KCNK1: variants seen among roughly 807,000 people sequenced by gnomAD.
KCNK1 encodes potassium two pore domain channel subfamily K member 1.
KCNK1 carries 10 observed loss-of-function variants against 22.2 expected under a neutral mutation model. The observed-to-expected ratio is 0.45, with a 90% CI of 0.28 to 0.76. KCNK1 has a LOEUF of 0.76. KCNK1 is among the 30% of genes least tolerant of loss of function. The pLI, the probability that KCNK1 is intolerant of heterozygous loss-of-function variation, is 0.14. For missense variants in KCNK1, 378 were observed against 421.0 expected, an observed-to-expected ratio of 0.90 and a Z score of 0.89; for synonymous variants, 200 against 186.4, an observed-to-expected ratio of 1.07 and a Z score of -0.60.
At chr1:233,631,810 G>T (rs701227) in intron 1 of KCNK1, among the ~76,000 whole-genome samples, 56,642 of 151,876 alleles carry the variant, frequency 0.37, 13,703 homozygotes, top group African/African-American at 0.7. Flanking sequence ...ATAGATTCTG[G>T]TTTTTTTTAA....
chr1:233,671,413 A>G lies in KCNK1; in HGVS notation c.894A>G (p.Gln298=), dbSNP rs1400712883. Residue 298 remains glutamine (Q), a synonymous_variant, in exon 3 of 3, where the codon CAA becomes CAG. Transcript: ENST00000366621. ...AGGTGCACATCATAGAGCATGACCA[A>G]CTGTCCTTCTCCTCGATCACAGACC... is the stretch of plus-strand genomic sequence containing the variant. ...EDQVHIIEHD[Q]LSFSSITDQA... 3.7e-6 allele frequency: 6 copies of G among 1,614,062 alleles called. No individual in the cohort carries two copies. The highest frequency in any genetic ancestry group is 3.3e-4 in the Middle Eastern group (2 of 6,084).
intron 1 of KCNK1, among the ~76,000 whole-genome samples, chr1:233,665,166 GA>G (rs1658467837): frequency 6.6e-6 from 1 of 152,074 alleles, no homozygotes; most frequent in African/African-American, 2.4e-5. Flanking sequence ...TGACATCTTT[GA>G]AAATACAGAA....
intron 1 of KCNK1, chr1:233,637,457 G>A (rs1235272025): frequency 1.3e-5 from 2 of 152,044 alleles, no homozygotes; most frequent in African/African-American, 4.8e-5. Context: ...AGAAACAAAG[G>A]ACTTTTAAAA....
intron 1 of KCNK1, among the ~76,000 whole-genome samples, chr1:233,620,285 A>T (rs1283792075): frequency 6.6e-6 from 1 of 152,210 alleles, no homozygotes; most frequent in East Asian, 1.9e-4. Flanking sequence ...AAGTTTGCTG[A>T]CATCTGCTTC....
chr1:233,643,809 C>T (rs1658043540), intron 1 of KCNK1, among the ~76,000 whole-genome samples: 1 of 152,190 alleles, frequency 6.6e-6, no homozygotes, highest in Non-Finnish European at 1.5e-5. Context: ...ACCCCAAACC[C>T]AGCCTCCTGG....
intron 2 of KCNK1, among the ~76,000 whole-genome samples, chr1:233,670,796 T>A (rs1005979368): frequency 6.6e-6 from 1 of 152,172 alleles, no homozygotes; most frequent in East Asian, 1.9e-4. Context: ...AAACTCTTAT[T>A]CTATAATAGA....
intron 1 of KCNK1, chr1:233,624,094 C>T (rs1310037015): frequency 1.3e-5 from 2 of 154,042 alleles, no homozygotes; most frequent in Non-Finnish European, 2.9e-5. Context: ...GCTCTGTGAC[C>T]TGAGTTAAGC....
At chr1:233,616,280 A>G (rs1202641336) in intron 1 of KCNK1, among the ~76,000 whole-genome samples, 1 of 152,220 alleles carries the variant, frequency 6.6e-6, no homozygotes, top group African/African-American at 2.4e-5. Flanking sequence ...AGGATAGAAC[A>G]AGAATAAGAA....
chr1:233,667,717 G>A (rs928122719), intron 2 of KCNK1, among the ~76,000 whole-genome samples: 4 of 112,940 alleles, frequency 3.5e-5, no homozygotes, highest in African/African-American at 1.4e-4. Context: ...GCGACAGAGC[G>A]AGACTCCGTC....
intron 1 of KCNK1, among the ~76,000 whole-genome samples, chr1:233,663,265 C>T (rs946962002): frequency 5.9e-5 from 9 of 152,036 alleles, no homozygotes; most frequent in African/African-American, 1.9e-4. Context: ...TAAGGATCTG[C>T]GTGGTGGTGA....
rs1300351414 is a variant in KCNK1 at position 233,622,192 on chromosome 1, C to CA, written c.355+7667dup. On this transcript the variant is annotated intron_variant, in intron 1 of 2. Transcript: ENST00000366621. ...GTCTTTGGAGCATGTGAATTGCCGA[C>CA]ACTCAATTGTTTTGACCCATAAAAA... Among the ~76,000 whole-genome samples, 3 of 152,186 alleles carry CA rather than the reference C, an allele frequency of 2.0e-5. No homozygotes were observed. The East Asian group carries it at 5.8e-4, about 29-fold the overall frequency.
chr1:233,670,276 G>A (rs535249729), intron 2 of KCNK1, among the ~76,000 whole-genome samples: 3 of 152,282 alleles, frequency 2.0e-5, no homozygotes, highest in Non-Finnish European at 4.4e-5. Flanking sequence ...TAGTCCACAT[G>A]TCCAAAAACA....
At chr1:233,656,314 T>C (rs1019384065) in intron 1 of KCNK1, among the ~76,000 whole-genome samples, 1 of 152,188 alleles carries the variant, frequency 6.6e-6, no homozygotes, top group Non-Finnish European at 1.5e-5. Flanking sequence ...GAAGTTTCAT[T>C]GGCACCAGTA....
chr1:233,619,235 T>A (rs1657536270), intron 1 of KCNK1, among the ~76,000 whole-genome samples: 1 of 151,906 alleles, frequency 6.6e-6, no homozygotes, highest in South Asian at 2.1e-4. Flanking sequence ...GTTGCCTGGG[T>A]TGGTCTCAAA....
At chr1:233,623,930 C>T (rs1220229592) in intron 1 of KCNK1, among the ~76,000 whole-genome samples, 1 of 152,158 alleles carries the variant, frequency 6.6e-6, no homozygotes, top group Non-Finnish European at 1.5e-5. Flanking sequence ...AAACCTGAAA[C>T]TATTCAAGTC....
At chr1:233,651,234 G>T (rs1417819147) in intron 1 of KCNK1, among the ~76,000 whole-genome samples, 1 of 152,146 alleles carries the variant, frequency 6.6e-6, no homozygotes, top group Non-Finnish European at 1.5e-5. Flanking sequence ...ATCCTGAGTT[G>T]CCTGCACAGC....
At chr1:233,646,573 G>A (rs992922916) in intron 1 of KCNK1, among the ~76,000 whole-genome samples, 2 of 152,022 alleles carry the variant, frequency 1.3e-5, no homozygotes, top group East Asian at 3.9e-4. Context: ...TAGGCCATGA[G>A]GTGAAAGAGA....
At chr1:233,669,349 A>T (rs1188909467) in intron 2 of KCNK1, among the ~76,000 whole-genome samples, 1 of 152,236 alleles carries the variant, frequency 6.6e-6, no homozygotes, top group Non-Finnish European at 1.5e-5. Context: ...AAATCCTTGC[A>T]TAACATTTTA....
intron 1 of KCNK1, among the ~76,000 whole-genome samples, chr1:233,627,961 G>A (rs1296672566): frequency 6.6e-6 from 1 of 152,216 alleles, no homozygotes; most frequent in Non-Finnish European, 1.5e-5. Flanking sequence ...GAACTTGCCT[G>A]TCTAGATTCT....
Sources: allele counts gnomAD v4.1 joint callset (sites outside exome capture counted in the v4.1 genomes callset), GRCh38; gene constraint gnomAD v4.1.1; transcripts MANE v1.5; gene names NCBI Gene and HGNC (gene_info 2026-07-23, HGNC 2026-07-21).